Variants in RAPGEF2 observed in about 807,000 individuals in gnomAD.
RAPGEF2 encodes the protein Rap guanine nucleotide exchange factor 2.
Under a neutral mutation model 186.7 loss-of-function variants are expected in RAPGEF2, and 54 were observed. The ratio of observed to expected loss-of-function variants is 0.29; its 90% confidence interval spans 0.23 to 0.36. RAPGEF2 has a LOEUF of 0.36. RAPGEF2 is among the 10% of genes least tolerant of loss of function. The pLI is 1.00. For missense variants in RAPGEF2, 1,532 were observed against 2,045.0 expected (o/e 0.75, Z 4.84); for synonymous variants, 712 against 705.9 (o/e 1.01, Z -0.14).
intron 2 of RAPGEF2, among the ~76,000 whole-genome samples, chr4:159,188,156 G>A (rs1398813662): frequency 6.6e-6 from 1 of 151,892 alleles, no homozygotes; most frequent in Non-Finnish European, 1.5e-5. Flanking sequence ...AGAAAAAATT[G>A]TACTAACAAT....
intron 1 of RAPGEF2, among the ~76,000 whole-genome samples, chr4:159,186,153 GTATTTCTATATAAGAAAA>G (rs1337032097): frequency 2.0e-5 from 3 of 151,204 alleles, no homozygotes; most frequent in Non-Finnish European, 1.5e-5. Context: ...TTAAACTTAA[GTATTTCTATATAAGAAAA>G]TATTTCTATA....
chr4:159,278,763 G>A (rs572345622), intron 7 of RAPGEF2, among the ~76,000 whole-genome samples: 6 of 152,170 alleles, frequency 3.9e-5, no homozygotes, highest in Non-Finnish European at 7.3e-5. Context: ...TTTTAACATG[G>A]AATCTTCATT....
At chr4:159,350,116 G>T in intron 25 of RAPGEF2, 21 bp from the exon 26 acceptor site, 3 of 1,268,936 alleles carry the variant, frequency 2.4e-6, no homozygotes, top group South Asian at 1.7e-5. Flanking sequence ...CATATTTAAG[G>T]TTTTTTTTTT....
intron 24 of RAPGEF2, among the ~76,000 whole-genome samples, 159 bp downstream of exon 24, chr4:159,345,488 G>A (rs1295397935): frequency 6.6e-6 from 1 of 152,142 alleles, no homozygotes; most frequent in Admixed American, 6.5e-5. Context: ...ATTTAATACT[G>A]GGTAGCACTG....
At chr4:159,302,157 T>C (rs1466034440) in intron 7 of RAPGEF2, among the ~76,000 whole-genome samples, 1 of 152,200 alleles carries the variant, frequency 6.6e-6, no homozygotes, top group South Asian at 2.1e-4. Flanking sequence ...TTGTGGTATC[T>C]AAAAGCTGGA....
At chr4:159,148,777 C>T (rs1743211421) in intron 1 of RAPGEF2, among the ~76,000 whole-genome samples, 1 of 152,170 alleles carries the variant, frequency 6.6e-6, no homozygotes, top group Admixed American at 6.5e-5. Context: ...GTGCAACTGT[C>T]AAGAACAGGT....
intron 1 of RAPGEF2, among the ~76,000 whole-genome samples, chr4:159,108,382 T>C (rs967744274): frequency 6.9e-6 from 1 of 144,908 alleles, no homozygotes; most frequent in African/African-American, 2.5e-5. Flanking sequence ...CACAGAACTT[T>C]CTTTTTTTTT....
In RAPGEF2 at chr4:159,353,466, C is replaced by A; in HGVS notation, c.4092-21C>A. The A allele has an allele frequency of 7.3e-7, 1 of 1,376,444 alleles. No homozygotes were observed. Among genetic ancestry groups the A allele is most frequent in the Non-Finnish European group, 9.5e-7 (1 of 1,055,382 alleles). 85.3% of individuals were successfully genotyped at this position (1,376,444 alleles called of 1,614,324 possible). Reference sequence around the variant, plus strand: ...ATCAATCTTGTTTTTTTTTTCTTTTCCATTTCTTTTAACCACTTAGGTCCT... The same window carrying A: ...ATCAATCTTGTTTTTTTTTTCTTTTACATTTCTTTTAACCACTTAGGTCCT... On this transcript the variant is annotated intron_variant, in intron 27 of 29. Coordinates refer to ENST00000691494, the MANE Select transcript of RAPGEF2 (RefSeq NM_001394067.2). This position sits in a 1 kb window ranked among gnomAD's most constrained non-coding sequence, Gnocchi z 4.3.
intron 4 of RAPGEF2, among the ~76,000 whole-genome samples, chr4:159,226,496 T>C (rs1752046045): frequency 6.6e-6 from 1 of 152,158 alleles, no homozygotes; most frequent in African/African-American, 2.4e-5. Flanking sequence ...TAAACCAGGT[T>C]ATCAGTGCCA....
chr4:159,242,701 T>A (rs958313432), intron 6 of RAPGEF2, among the ~76,000 whole-genome samples: 1 of 128,164 alleles, frequency 7.8e-6, no homozygotes, highest in African/African-American at 3.2e-5. Context: ...GAAAGGTTTT[T>A]TTGTTACCAT....
chr4:159,217,166 A>G (rs1477522896), intron 4 of RAPGEF2, among the ~76,000 whole-genome samples: 1 of 152,028 alleles, frequency 6.6e-6, no homozygotes, highest in Non-Finnish European at 1.5e-5. Context: ...GGGATTATTT[A>G]TTTTAATTTT....
chr4:159,270,745 A>G (rs1228038161), intron 7 of RAPGEF2, among the ~76,000 whole-genome samples: 1 of 152,304 alleles, frequency 6.6e-6, no homozygotes, highest in East Asian at 1.9e-4. Context: ...ATAAAGTCTC[A>G]ACTTTTTTAA....
chr4:159,331,437 C>T lies in RAPGEF2; in HGVS notation c.1474C>T (p.Arg492Trp), dbSNP rs1284345236. 5 of 1,592,050 alleles carry T rather than the reference C, an allele frequency of 3.1e-6. No individual in the cohort carries two copies. Among genetic ancestry groups the T allele is most frequent in the South Asian group, 2.3e-5 (2 of 87,852 alleles). The change falls in exon 14 of 30, where the codon CGG becomes TGG. Residue 492 changes from arginine (R) to tryptophan (W), a missense_variant. This residue lies in a region of RAPGEF2 where 810 missense variants were observed against 1,210.5 expected (regional missense o/e 0.67). Coordinates refer to ENST00000691494, the MANE Select transcript of RAPGEF2 (RefSeq NM_001394067.2). ...AAAATAATTGACTTTTCAGGTTACA[C>T]GGGTAGTATTATTGTGGGTAAATAA... is the stretch of plus-strand genomic sequence containing the variant. The part of the protein sequence containing the change: ...NDPSLRDKVT[R>W]VVLLWVNNHF...
chr4:159,156,760 A>G (rs1744176926), intron 1 of RAPGEF2, among the ~76,000 whole-genome samples: 1 of 152,106 alleles, frequency 6.6e-6, no homozygotes, highest in Non-Finnish European at 1.5e-5. Context: ...TGTCCTTGTG[A>G]TAGTTGTTGC....
At chr4:159,344,339 TAATTGGTGTGTCTCGA>T (rs1729984715) in intron 23 of RAPGEF2, among the ~76,000 whole-genome samples, 1 of 152,132 alleles carries the variant, frequency 6.6e-6, no homozygotes, top group African/African-American at 2.4e-5. Flanking sequence ...TATTTTCATA[TAATTGGTGTGTCTCGA>T]AATGCAGAAA....
At chr4:159,342,170 A>G (rs1729561926) in intron 20 of RAPGEF2, among the ~76,000 whole-genome samples, 1 of 152,210 alleles carries the variant, frequency 6.6e-6, no homozygotes, top group Non-Finnish European at 1.5e-5. Flanking sequence ...GCCATTAAGC[A>G]GGAAACATTT....
intron 4 of RAPGEF2, among the ~76,000 whole-genome samples, chr4:159,217,815 A>G (rs1174453280): frequency 6.6e-6 from 1 of 152,178 alleles, no homozygotes; most frequent in African/African-American, 2.4e-5. Context: ...CCTGTCCAGC[A>G]TCTGTTGTTT....
chr4:159,233,432 A>G (rs545564844), intron 4 of RAPGEF2, among the ~76,000 whole-genome samples: 1 of 152,332 alleles, frequency 6.6e-6, no homozygotes, highest in African/African-American at 2.4e-5. Context: ...TTGAACAGAT[A>G]TGGCATACTT....
At chr4:159,154,220 A>ACT (rs1743866619) in intron 1 of RAPGEF2, among the ~76,000 whole-genome samples, 1 of 152,236 alleles carries the variant, frequency 6.6e-6, no homozygotes, top group African/African-American at 2.4e-5. Context: ...TTCTTAGCTA[A>ACT]CTAGAAGGTT....
Sources: gnomAD v4.1 joint callset for allele counts (sites outside exome capture counted in the v4.1 genomes callset) on GRCh38, gnomAD v4.1.1 for gene constraint, gnomAD v4.1.1 regional missense constraint, Gnocchi (gnomAD v3.1) non-coding constraint, MANE v1.5 for transcripts, NCBI Gene and HGNC (gene_info 2026-07-23, HGNC 2026-07-21) for gene names.